The following PLCB1 variants were observed in gnomAD, a reference collection of about 807,000 sequenced individuals.
PLCB1 encodes phospholipase C beta 1.
PLCB1 carries 46 observed loss-of-function variants against 161.8 expected under a neutral mutation model. The observed-to-expected ratio is 0.28, with a 90% confidence interval of 0.22 to 0.36. The LOEUF (loss-of-function observed/expected upper bound fraction) is 0.36. PLCB1 is among the 10% of genes least tolerant of loss of function. PLCB1 has a pLI of 1.00. For synonymous variants in PLCB1, 517 were observed against 503.7 expected, an observed-to-expected ratio of 1.03 and a Z score of -0.35; for missense variants, 1,016 against 1,472.5, an observed-to-expected ratio of 0.69 and a Z score of 5.07.
intron 3 of PLCB1, among the ~76,000 whole-genome samples, chr20:8,584,387 G>C (rs6055923): frequency 1.3e-5 from 2 of 151,710 alleles, no homozygotes; most frequent in Non-Finnish European, 2.9e-5. Flanking sequence ...AAATTTTACT[G>C]CTTAGTAAGG....
At chr20:8,169,767 G>A (rs1280782899) in intron 2 of PLCB1, among the ~76,000 whole-genome samples, 3 of 152,124 alleles carry the variant, frequency 2.0e-5, no homozygotes, top group Non-Finnish European at 2.9e-5. Context: ...GACAGGGTGC[G>A]TGGTGCATGT....
chr20:8,491,063 T>C (rs1241530003), intron 3 of PLCB1, among the ~76,000 whole-genome samples: 2 of 151,960 alleles, frequency 1.3e-5, no homozygotes, highest in African/African-American at 4.8e-5. Flanking sequence ...TTTACTTTTA[T>C]AAAATCTAGT....
Position 8,757,132 on chromosome 20 carries a change from G to A in PLCB1, c.2610G>A (p.Leu870=), listed in dbSNP as rs749580375. Residue 870 remains leucine (L), a synonymous_variant, in exon 24 of 32, where the codon CTG becomes CTA. Coordinates refer to ENST00000338037, the MANE Select transcript of PLCB1 (RefSeq NM_015192.4). ...AENGVNHTTT[L]TPKPPSQALH... is the part of the protein sequence containing the mutation. ...ATGGGGTGAATCACACTACAACCCT[G>A]ACACCCAAGCCACCCTCCCAGGCTC... 1 of 1,613,252 alleles carries A rather than the reference G, an allele frequency of 6.2e-7. No homozygotes were observed. The highest frequency in any genetic ancestry group is 1.7e-5 in the Admixed American group (1 of 59,992).
rs752421462 is a variant in PLCB1, at chr20:8,684,962, AT to A, written c.894del (p.Leu299Ter). 6.2e-7 allele frequency: 1 copy of A among 1,613,880 alleles called. No homozygotes were observed. The highest frequency in any genetic ancestry group is 8.5e-7 in the Non-Finnish European group (1 of 1,179,854). On this transcript the variant is annotated frameshift_variant, in exon 10 of 32. Coordinates refer to ENST00000338037, the MANE Select transcript of PLCB1 (RefSeq NM_015192.4). LOFTEE classifies it high-confidence loss of function. ...GQISVDGFMRYLSGEENGVVS... is the reference protein window; with the variant it reads ...GQISVDGFMRXLSGEENGVVS... ...ATATCAGTGGATGGGTTCATGCGCT[AT>A]CTGAGTGGAGAAGAAAACGGAGTCG...
chr20:8,489,214 T>C (rs1982848218), intron 3 of PLCB1, among the ~76,000 whole-genome samples: 1 of 152,186 alleles, frequency 6.6e-6, no homozygotes, highest in African/African-American at 2.4e-5. Flanking sequence ...CACAGACTTG[T>C]AAATAATCTA....
chr20:8,788,600 C>CT (rs1568599908), intron 28 of PLCB1, 33 bp from the exon 29 acceptor site: 2 of 1,594,142 alleles, frequency 1.3e-6, no homozygotes, highest in Non-Finnish European at 1.7e-6. Flanking sequence ...TGATTTGCCT[C>CT]TTTTTTCTCT....
intron 3 of PLCB1, among the ~76,000 whole-genome samples, chr20:8,449,625 A>T (rs1980985885): frequency 6.6e-6 from 1 of 152,186 alleles, no homozygotes; most frequent in Admixed American, 6.5e-5. Context: ...TCCGGGGCAC[A>T]TACTACAATC....
chr20:8,697,578 A>C, intron 10 of PLCB1, 48 bp from the exon 11 acceptor site: 1 of 1,600,312 alleles, frequency 6.2e-7, no homozygotes, highest in Non-Finnish European at 8.6e-7. Flanking sequence ...CACCACGGTC[A>C]TCCTTGCTTC....
intron 3 of PLCB1, among the ~76,000 whole-genome samples, chr20:8,580,830 T>G (rs1256712419): frequency 6.6e-6 from 1 of 152,214 alleles, no homozygotes; most frequent in African/African-American, 2.4e-5. Context: ...AAGGTGGGCC[T>G]TCAAGGATGA....
At chr20:8,523,837 T>A (rs1216760832) in intron 3 of PLCB1, among the ~76,000 whole-genome samples, 1 of 151,958 alleles carries the variant, frequency 6.6e-6, no homozygotes, top group Non-Finnish European at 1.5e-5. Context: ...GCCTGAGAAA[T>A]GCCCAGTGAG....
At chr20:8,419,505 T>C (rs147073930) in intron 3 of PLCB1, among the ~76,000 whole-genome samples, 1 of 152,262 alleles carries the variant, frequency 6.6e-6, no homozygotes, top group East Asian at 1.9e-4. Flanking sequence ...TGATTCTACT[T>C]TTCACTTTCA....
In PLCB1 at chr20:8,788,479, G is replaced by A. The variant is rs1483429572; in HGVS notation, c.3142G>A (p.Glu1048Lys). The change falls in exon 28 of 32, where the codon GAG becomes AAG. Residue 1048 changes from glutamate to lysine, a missense_variant. By Grantham distance (56) the Glu-to-Lys change is moderately conservative (BLOSUM62 1). Coordinates refer to ENST00000338037, the MANE Select transcript of PLCB1 (RefSeq NM_015192.4). ...LIQKLTDVAE[E>K]CQNNQLKKLK... ...TCAAAAGTTGACGGATGTCGCAGAA[G>A]AGTGTCAGAACAATCAGTTAAAGAA... The A allele has an allele frequency of 6.2e-7, 1 of 1,613,738 alleles. No individual in the cohort carries two copies. Among genetic ancestry groups the A allele is most frequent in the Non-Finnish European group, 8.5e-7 (1 of 1,179,898 alleles).
At chr20:8,875,406 C>T (rs1048385007) in intron 31 of PLCB1, among the ~76,000 whole-genome samples, 16 of 146,108 alleles carry the variant, frequency 1.1e-4, no homozygotes, top group Middle Eastern at 3.8e-3. Context: ...ATATACTATA[C>T]GTAGTATATA....
At chr20:8,688,827 G>A (rs1990412359) in intron 10 of PLCB1, among the ~76,000 whole-genome samples, 2 of 152,222 alleles carry the variant, frequency 1.3e-5, no homozygotes, top group South Asian at 4.1e-4. Context: ...TGGCTATGCG[G>A]GCTATTTTTT....
At chr20:8,304,786 GGT>G (rs2123326253) in intron 2 of PLCB1, among the ~76,000 whole-genome samples, 1 of 152,168 alleles carries the variant, frequency 6.6e-6, no homozygotes, top group Non-Finnish European at 1.5e-5. Context: ...TGTATGAACT[GGT>G]TACTAGGATT....
chr20:8,635,294 GAAGGGA>G (rs1462090898), intron 4 of PLCB1, among the ~76,000 whole-genome samples: 4 of 152,110 alleles, frequency 2.6e-5, no homozygotes, highest in African/African-American at 7.2e-5. Flanking sequence ...AGGGGAAGGA[GAAGGGA>G]AAGGAAAAGG....
intron 3 of PLCB1, among the ~76,000 whole-genome samples, chr20:8,616,993 G>A (rs1273749680): frequency 6.6e-6 from 1 of 152,172 alleles, no homozygotes; most frequent in Non-Finnish European, 1.5e-5. Context: ...TAAGGAGAGA[G>A]ATCTTGAAAG....
intron 3 of PLCB1, among the ~76,000 whole-genome samples, chr20:8,474,999 TCA>T (rs377388138): frequency 7.1e-6 from 1 of 141,542 alleles, no homozygotes; most frequent in Non-Finnish European, 1.5e-5. Context: ...AAAAACAAGA[TCA>T]CACACACAGA....
At chr20:8,340,660 G>A (rs1985772674) in intron 2 of PLCB1, among the ~76,000 whole-genome samples, 1 of 152,024 alleles carries the variant, frequency 6.6e-6, no homozygotes, top group Non-Finnish European at 1.5e-5. Flanking sequence ...TCCTGACCTC[G>A]TGATCCGCCC....
Sources: gnomAD v4.1 joint callset for allele counts (sites outside exome capture counted in the v4.1 genomes callset) on GRCh38, gnomAD v4.1.1 for gene constraint, MANE v1.5 for transcripts, NCBI Gene and HGNC (gene_info 2026-07-23, HGNC 2026-07-21) for gene names.